The following CNTN5 variants were observed in gnomAD, a reference collection of about 807,000 sequenced individuals.
CNTN5 encodes the protein contactin 5.
In CNTN5, 77 loss-of-function variants were observed where a neutral mutation model predicts 129.1. The ratio of observed to expected loss-of-function variants is 0.60; its 90% CI spans 0.50 to 0.72. The LOEUF is 0.72. Ranked by LOEUF, CNTN5 falls within the 30% of genes least tolerant of loss-of-function variation. CNTN5 has a pLI of 0.00. For synonymous variants in CNTN5, 509 were observed against 465.6 expected, an observed-to-expected ratio of 1.09 and a Z score of -1.20; for missense variants, 1,478 against 1,328.8, an observed-to-expected ratio of 1.11 and a Z score of -1.75.
At chr11:99,216,195 A>G (rs535945503) in intron 1 of CNTN5, among the ~76,000 whole-genome samples, 3 of 152,026 alleles carry the variant, frequency 2.0e-5, no homozygotes, top group Non-Finnish European at 2.9e-5. Context: ...CCTACTCTCT[A>G]TCTTCATAAG....
At position 100,262,462 on chromosome 11, in the gene CNTN5, A is replaced by G. The variant is rs111576128; in HGVS notation, c.2164+6544A>G. The stretch of plus-strand genomic sequence containing the variant: ...TGGGTATATATCCAGAGGATTATAA[A>G]TCACTGTACTATAAAGACACATGAA... On this transcript the variant is annotated intron_variant, in intron 17 of 24. Coordinates refer to ENST00000524871, the MANE Select transcript of CNTN5 (RefSeq NM_014361.4). 2.7e-3 allele frequency among the ~76,000 whole-genome samples: 407 copies of G among 152,310 alleles called. 4 individuals are homozygous for G. The highest frequency in any genetic ancestry group is 9.2e-3 in the African/African-American group (383 of 41,570).
At chr11:99,920,397 A>T (rs1949907278) in intron 7 of CNTN5, among the ~76,000 whole-genome samples, 1 of 152,098 alleles carries the variant, frequency 6.6e-6, no homozygotes, top group Non-Finnish European at 1.5e-5. Context: ...AAATATCTAA[A>T]ATCTCCCTAA....
At chr11:99,988,991 T>G (rs1938875540) in intron 8 of CNTN5, among the ~76,000 whole-genome samples, 1 of 152,172 alleles carries the variant, frequency 6.6e-6, no homozygotes, top group South Asian at 2.1e-4. Context: ...GAAAGGACTG[T>G]GGATAAGGTG....
intron 4 of CNTN5, among the ~76,000 whole-genome samples, chr11:99,828,420 T>G (rs1189118571): frequency 6.6e-6 from 1 of 152,146 alleles, no homozygotes; most frequent in Admixed American, 6.6e-5. Context: ...TCGTGCTGTG[T>G]CATCATATGG....
chr11:99,964,599 G>C (rs1408672598), intron 8 of CNTN5, among the ~76,000 whole-genome samples: 2 of 151,594 alleles, frequency 1.3e-5, no homozygotes, highest in Admixed American at 6.7e-5. Flanking sequence ...TGTTCATCAG[G>C]GATTTTGGTC....
chr11:99,037,784 T>C (rs1863817919), intron 1 of CNTN5, among the ~76,000 whole-genome samples: 1 of 151,778 alleles, frequency 6.6e-6, no homozygotes, highest in East Asian at 1.9e-4. Context: ...TTCACCATCT[T>C]GGCCAGGCTG....
intron 13 of CNTN5, among the ~76,000 whole-genome samples, chr11:100,163,314 CTTGT>C (rs777912450): frequency 1.6e-4 from 24 of 151,554 alleles, no homozygotes; most frequent in Non-Finnish European, 3.0e-4. Flanking sequence ...CATATTTAAA[CTTGT>C]TTATGTTTTT....
chr11:99,236,469 A>C (rs376781222), intron 1 of CNTN5, among the ~76,000 whole-genome samples: 4 of 149,992 alleles, frequency 2.7e-5, no homozygotes, highest in African/African-American at 4.9e-5. Context: ...CTCACACACA[A>C]ACACACACAC....
intron 2 of CNTN5, among the ~76,000 whole-genome samples, chr11:99,482,395 T>A (rs1945635644): frequency 6.6e-6 from 1 of 152,194 alleles, no homozygotes; most frequent in Non-Finnish European, 1.5e-5. Flanking sequence ...TCAACTAGTA[T>A]CATTTTAGCA....
At chr11:99,159,842 T>A (rs1030286376) in intron 1 of CNTN5, among the ~76,000 whole-genome samples, 1 of 152,160 alleles carries the variant, frequency 6.6e-6, no homozygotes, top group Non-Finnish European at 1.5e-5. Flanking sequence ...GGTTGCTAGT[T>A]ATTTGAAGTT....
chr11:99,132,667 G>T (rs960149663), intron 1 of CNTN5, among the ~76,000 whole-genome samples: 2 of 151,928 alleles, frequency 1.3e-5, no homozygotes, highest in Non-Finnish European at 2.9e-5. Flanking sequence ...GCCACAAAAA[G>T]AATAAAATAC....
chr11:99,725,079 A>G (rs1291242426), intron 3 of CNTN5, among the ~76,000 whole-genome samples: 2 of 152,176 alleles, frequency 1.3e-5, no homozygotes, highest in African/African-American at 4.8e-5. Flanking sequence ...AAAAGGGAAA[A>G]TACATCTGAA....
In CNTN5 at chr11:100,114,745, C is replaced by T. The variant is rs560684541; in HGVS notation, c.1580+40451C>T. Reference sequence around the variant, plus strand: ...CTTTCCCCATTCAACAAATCTCGCTCATCCTTTAAGACTCAATTTACATGT... The same window carrying T: ...CTTTCCCCATTCAACAAATCTCGCTTATCCTTTAAGACTCAATTTACATGT... On this transcript the variant is annotated intron_variant, in intron 13 of 24. Coordinates refer to ENST00000524871, the MANE Select transcript of CNTN5 (RefSeq NM_014361.4). Among the ~76,000 whole-genome samples, 25 of 152,174 alleles carry T rather than the reference C, an allele frequency of 1.6e-4. No individual in the cohort carries two copies. The South Asian group carries it at 2.5e-3, about 15-fold the overall frequency.
At chr11:99,583,121 G>A (rs531410382) in intron 3 of CNTN5, among the ~76,000 whole-genome samples, 3 of 152,192 alleles carry the variant, frequency 2.0e-5, no homozygotes, top group Non-Finnish European at 2.9e-5. Context: ...TATCAGCAGC[G>A]CTGGCTGCAG....
At chr11:100,205,501 C>A (rs1054401321) in intron 15 of CNTN5, among the ~76,000 whole-genome samples, 1 of 151,902 alleles carries the variant, frequency 6.6e-6, no homozygotes, top group African/African-American at 2.4e-5. Context: ...ATATAAGAGA[C>A]CTGGAAAAGG....
At chr11:100,207,523 C>T (rs1321990312) in intron 15 of CNTN5, among the ~76,000 whole-genome samples, 1 of 151,958 alleles carries the variant, frequency 6.6e-6, no homozygotes, top group Non-Finnish European at 1.5e-5. Context: ...TCTTAAGAAG[C>T]CTCACTAAAA....
intron 1 of CNTN5, among the ~76,000 whole-genome samples, chr11:99,093,607 G>C (rs1866345243): frequency 6.6e-6 from 1 of 151,994 alleles, no homozygotes; most frequent in Non-Finnish European, 1.5e-5. Context: ...AAGTTAACCA[G>C]AGTCCACAAA....
At chr11:99,627,355 C>A (rs1440490477) in intron 3 of CNTN5, among the ~76,000 whole-genome samples, 1 of 152,004 alleles carries the variant, frequency 6.6e-6, no homozygotes, top group South Asian at 2.1e-4. Flanking sequence ...TTGACTGATA[C>A]AACTTCTGTT....
intron 2 of CNTN5, among the ~76,000 whole-genome samples, chr11:99,346,758 G>T (rs1367242982): frequency 6.6e-6 from 1 of 152,204 alleles, no homozygotes; most frequent in Non-Finnish European, 1.5e-5. Context: ...AGGCCCTCAT[G>T]ATGAGATTAA....
Sources: allele counts gnomAD v4.1 joint callset (sites outside exome capture counted in the v4.1 genomes callset), GRCh38; gene constraint gnomAD v4.1.1; transcripts MANE v1.5; gene names NCBI Gene and HGNC (gene_info 2026-07-23, HGNC 2026-07-21).